ME1: variants seen among roughly 807,000 people sequenced by gnomAD.
The protein encoded by ME1 is NADP-dependent malic enzyme.
A neutral mutation model predicts 66.4 loss-of-function variants in ME1; 74 were observed. The ratio of observed to expected loss-of-function variants is 1.11; its 90% CI spans 0.92 to 1.35. The LOEUF is 1.35. Ranked by LOEUF, ME1 falls within the 40% of genes most tolerant of loss-of-function variation. ME1 has a pLI of 0.00. For synonymous variants in ME1, 251 were observed against 235.6 expected, an observed-to-expected ratio of 1.07 and a Z score of -0.60; for missense variants, 750 against 694.1, an observed-to-expected ratio of 1.08 and a Z score of -0.90.
At chr6:83,418,166 C>T (rs1286210451) in intron 1 of ME1, among the ~76,000 whole-genome samples, 1 of 152,160 alleles carries the variant, frequency 6.6e-6, no homozygotes, top group Non-Finnish European at 1.5e-5. Flanking sequence ...TTGTGAAGCT[C>T]GCTGTATTGG....
chr6:83,217,576 C>T (rs1322619553), intron 12 of ME1, among the ~76,000 whole-genome samples: 2 of 152,118 alleles, frequency 1.3e-5, no homozygotes, highest in African/African-American at 4.8e-5. Context: ...AAAGAGAACG[C>T]TGAAAGAGAA....
intron 6 of ME1, among the ~76,000 whole-genome samples, chr6:83,295,114 C>T (rs1767573814): frequency 6.6e-6 from 1 of 152,176 alleles, no homozygotes; most frequent in Non-Finnish European, 1.5e-5. Context: ...TGCTTAAGTG[C>T]CACCTACTGG....
intron 3 of ME1, among the ~76,000 whole-genome samples, chr6:83,357,902 C>CCCCTCT (rs1554270311): frequency 3.2e-5 from 1 of 31,562 alleles, no homozygotes; most frequent in African/African-American, 1.4e-4. Flanking sequence ...AATAAACTCC[C>CCCCTCT]CTCTCTCTCT....
At chr6:83,260,871 G>A (rs532346348) in intron 6 of ME1, among the ~76,000 whole-genome samples, 1 of 152,050 alleles carries the variant, frequency 6.6e-6, no homozygotes, top group African/African-American at 2.4e-5. Flanking sequence ...GGGCATTTAG[G>A]TTGATTCCAT....
chr6:83,262,763 CA>C (rs1766921935), intron 6 of ME1, among the ~76,000 whole-genome samples: 1 of 152,050 alleles, frequency 6.6e-6, no homozygotes, highest in African/African-American at 2.4e-5. Flanking sequence ...TGAGTGTTGC[CA>C]TCTAAGAGAA....
At chr6:83,383,966 C>A (rs576590336) in intron 3 of ME1, among the ~76,000 whole-genome samples, 36 of 151,832 alleles carry the variant, frequency 2.4e-4, no homozygotes, top group Non-Finnish European at 4.7e-4. Context: ...TTAAAATTGA[C>A]AATTTGCTGC....
At chr6:83,420,653 A>T (rs1770246056) in intron 1 of ME1, among the ~76,000 whole-genome samples, 1 of 152,212 alleles carries the variant, frequency 6.6e-6, no homozygotes, top group African/African-American at 2.4e-5. Flanking sequence ...TTGTGCATTT[A>T]TCCCACAAGG....
rs144134530 is a variant in ME1 at position 83,266,070 on chromosome 6, G to C, written c.705-12332C>G. On this transcript the variant is annotated intron_variant, in intron 6 of 13. Coordinates refer to ENST00000369705, the MANE Select transcript of ME1 (RefSeq NM_002395.6). ...AGGCTCTATACATAATCTTCAAAGA[G>C]GCATTCCAAAAGCATTATAAACATT... is the stretch of plus-strand genomic sequence containing the variant. 9.9e-5 allele frequency among the ~76,000 whole-genome samples: 15 copies of C among 152,096 alleles called. No homozygotes were observed. The East Asian group carries it at 2.7e-3, about 27-fold the overall frequency.
chr6:83,334,026 G>C (rs1045307830), intron 5 of ME1, among the ~76,000 whole-genome samples: 7 of 151,966 alleles, frequency 4.6e-5, no homozygotes, highest in East Asian at 1.9e-4. Flanking sequence ...GCAGAAGACG[G>C]GTGATTTCTG....
Position 83,398,112 on chromosome 6 carries a change from C to T in ME1, c.362+255G>A, listed in dbSNP as rs555758540. On this transcript the variant is annotated intron_variant, in intron 3 of 13. Transcript: ENST00000369705. Reference sequence around the variant, plus strand: ...ATTGCTAAGGATAATTTATTATATACGTGAAAACTGCTAAAAGTAGATTTT... The same window carrying T: ...ATTGCTAAGGATAATTTATTATATATGTGAAAACTGCTAAAAGTAGATTTT... 2.4e-4 allele frequency among the ~76,000 whole-genome samples: 37 copies of T among 152,064 alleles called. 1 individual carries two copies. Among genetic ancestry groups the T allele is most frequent in the Admixed American group, 2.1e-3 (32 of 15,262 alleles).
chr6:83,416,912 G>A (rs1218234322), intron 1 of ME1, among the ~76,000 whole-genome samples: 4 of 145,818 alleles, frequency 2.7e-5, no homozygotes, highest in African/African-American at 5.0e-5. Flanking sequence ...AAAAAAAAAA[G>A]TAGTTTCTGT....
chr6:83,377,207 T>A (rs973742961), intron 3 of ME1, among the ~76,000 whole-genome samples: 2 of 152,208 alleles, frequency 1.3e-5, no homozygotes, highest in African/African-American at 4.8e-5. Context: ...ATGATTATGA[T>A]GATGGGGTAA....
intron 3 of ME1, among the ~76,000 whole-genome samples, chr6:83,373,027 C>G (rs1296180476): frequency 6.6e-6 from 1 of 152,216 alleles, no homozygotes; most frequent in South Asian, 2.1e-4. Flanking sequence ...TGGCTAAAAC[C>G]TGCAGATAAA....
At chr6:83,361,287 G>A (rs991102431) in intron 3 of ME1, among the ~76,000 whole-genome samples, 17 of 152,202 alleles carry the variant, frequency 1.1e-4, no homozygotes, top group Admixed American at 2.6e-4. Flanking sequence ...TTCCTTCTAA[G>A]GTAAAGGATA....
chr6:83,304,275 T>C (rs1767785355), intron 6 of ME1, among the ~76,000 whole-genome samples: 1 of 152,178 alleles, frequency 6.6e-6, no homozygotes, highest in South Asian at 2.1e-4. Flanking sequence ...ACCTGAGATA[T>C]GAGCTTTGCA....
intron 6 of ME1, among the ~76,000 whole-genome samples, chr6:83,310,927 A>T (rs560295054): frequency 2.6e-5 from 4 of 152,300 alleles, no homozygotes; most frequent in Admixed American, 2.6e-4. Flanking sequence ...AGATCTGCTA[A>T]GTCAGAATCC....
At chr6:83,270,471 A>C (rs1767064257) in intron 6 of ME1, among the ~76,000 whole-genome samples, 1 of 152,082 alleles carries the variant, frequency 6.6e-6, no homozygotes, top group Non-Finnish European at 1.5e-5. Context: ...CCTCTGACAA[A>C]AGTGATCACC....
At chr6:83,285,988 A>G (rs1345452914) in intron 6 of ME1, among the ~76,000 whole-genome samples, 1 of 152,200 alleles carries the variant, frequency 6.6e-6, no homozygotes, top group East Asian at 1.9e-4. Context: ...TTCTATTTTC[A>G]CATTATACCA....
At chr6:83,220,213 A>G (rs1275580545) in intron 12 of ME1, among the ~76,000 whole-genome samples, 2 of 152,184 alleles carry the variant, frequency 1.3e-5, no homozygotes, top group Non-Finnish European at 2.9e-5. Flanking sequence ...CTTACTCTCC[A>G]TGTGTGACTG....
Sources: gnomAD v4.1 joint callset for allele counts (sites outside exome capture counted in the v4.1 genomes callset) on GRCh38, gnomAD v4.1.1 for gene constraint, MANE v1.5 for transcripts, NCBI Gene and HGNC (gene_info 2026-07-23, HGNC 2026-07-21) for gene names.